The following EIF3CL variants were observed in gnomAD, a reference collection of about 807,000 sequenced individuals.
The protein encoded by EIF3CL is eukaryotic translation initiation factor 3 subunit C-like protein.
For synonymous variants in EIF3CL, 2 were observed against 19.6 expected, an observed-to-expected ratio of 0.10 and a Z score of 2.37; for missense variants, 5 against 56.1, an observed-to-expected ratio of 0.09 and a Z score of 2.91.
chr16:28,414,834 C>A, the EIF3CL span: 1 of 493,232 alleles, frequency 2.0e-6, no homozygotes, highest in East Asian at 5.9e-5. Context: ...GGCTTCAATG[C>A]GAAGGACGCG....
the EIF3CL span, among the ~76,000 whole-genome samples, chr16:28,426,104 C>G: frequency 9.7e-6 from 1 of 102,816 alleles, no homozygotes; most frequent in Admixed American, 1.1e-4. Flanking sequence ...CACACACATA[C>G]ACACACACAC....
At chr16:28,416,914 C>G in the EIF3CL span, among the ~76,000 whole-genome samples, 1 of 95,642 alleles carries the variant, frequency 1.0e-5, no homozygotes, top group African/African-American at 3.9e-5. Flanking sequence ...CCCGGCCAGC[C>G]GCCCCGTCTG....
chr16:28,387,759 CTT>C (rs548190992), intron 15 of EIF3CL, among the ~76,000 whole-genome samples: 3 of 121,436 alleles, frequency 2.5e-5, no homozygotes, highest in African/African-American at 3.0e-5. Flanking sequence ...CCAGACACAG[CTT>C]TTTTTTTTTT....
chr16:28,416,773 CA>C, the EIF3CL span, among the ~76,000 whole-genome samples: 1 of 101,716 alleles, frequency 9.8e-6, no homozygotes, highest in African/African-American at 3.5e-5. Context: ...TCAGCCCCCC[CA>C]CCCGGCCAGC....
upstream of EIF3CL, among the ~76,000 whole-genome samples, chr16:28,405,286 A>G: frequency 4.0e-5 from 1 of 25,120 alleles, no homozygotes; most frequent in Non-Finnish European, 7.2e-5. Flanking sequence ...GCGACAGAGC[A>G]AGACTCTGTC....
the EIF3CL span, among the ~76,000 whole-genome samples, chr16:28,416,643 C>T: frequency 2.4e-5 from 2 of 82,720 alleles, no homozygotes; most frequent in East Asian, 4.3e-4. Context: ...GGAGCCCCTC[C>T]GCCCGGCAGC....
chr16:28,414,430 A>G, the EIF3CL span: 2 of 321,972 alleles, frequency 6.2e-6, no homozygotes, highest in Non-Finnish European at 1.2e-5. Flanking sequence ...TAGCAGGAGC[A>G]TGGTGAACAC....
At chr16:28,415,307 C>T in the EIF3CL span, among the ~76,000 whole-genome samples, 2 of 79,968 alleles carry the variant, frequency 2.5e-5, no homozygotes, top group Non-Finnish European at 4.6e-5. Context: ...GGGCAGAGGT[C>T]GCCAGGCTGG....
At chr16:28,414,449 A>T in the EIF3CL span, 1 of 298,962 alleles carries the variant, frequency 3.3e-6, no homozygotes, top group African/African-American at 2.5e-5. Context: ...ACCAAGCCTG[A>T]TGAGAAGATG....
chr16:28,416,757 G>T, the EIF3CL span, among the ~76,000 whole-genome samples: 5 of 113,638 alleles, frequency 4.4e-5, no homozygotes, highest in East Asian at 2.9e-4. Context: ...AGGGAGGTGG[G>T]GGGGGTCAGC....
chr16:28,392,782 CTTT>C (rs928732428), intron 8 of EIF3CL, among the ~76,000 whole-genome samples: 1 of 147,846 alleles, frequency 6.8e-6, no homozygotes, highest in South Asian at 2.1e-4. Flanking sequence ...ACATTTTTTT[CTTT>C]TTTACTATTC....
At chr16:28,415,320 C>T in the EIF3CL span, among the ~76,000 whole-genome samples, 3 of 80,020 alleles carry the variant, frequency 3.7e-5, no homozygotes, top group East Asian at 3.9e-4. Context: ...CAGGCTGGTC[C>T]GCCAGGTAGA....
chr16:28,425,626 C>T, the EIF3CL span, among the ~76,000 whole-genome samples: 2 of 98,594 alleles, frequency 2.0e-5, 1 homozygote, highest in Non-Finnish European at 4.1e-5. Flanking sequence ...AAATGCTATC[C>T]TTGTGGATCT....
chr16:28,414,786 C>T, the EIF3CL span: 18 of 453,950 alleles, frequency 4.0e-5, 1 homozygote, highest in South Asian at 2.3e-4. Context: ...GCCTGGAACC[C>T]GTGGAGGTGA....
At chr16:28,386,107 G>A (rs1232285992) in intron 15 of EIF3CL, among the ~76,000 whole-genome samples, 1 of 5,678 alleles carries the variant, frequency 1.8e-4, no homozygotes, top group Admixed American at 2.9e-3. Context: ...CTACTCGGGA[G>A]GCTGAGGCAG....
At chr16:28,392,625 C>CA (rs984985576) in intron 8 of EIF3CL, among the ~76,000 whole-genome samples, 18 of 116,928 alleles carry the variant, frequency 1.5e-4, no homozygotes, top group East Asian at 2.7e-4. Context: ...CAAAACAAAA[C>CA]AAAAAAAAAC....
At position 28,386,828 on chromosome 16, in the gene EIF3CL, ACCCCTAAAAGATACACACACAC is replaced by A. The variant is rs2045606647; in HGVS notation, c.1821+1208_1821+1229del. Reference sequence around the variant, plus strand: ...ACACCCCCTAAAAGATACACACACAACCCCTAAAAGATACACACACACCCCCTAAAAGAGACACACACACACC... The same window carrying A: ...ACACCCCCTAAAAGATACACACACAACCCCTAAAAGAGACACACACACACC... On this transcript the variant is annotated intron_variant, in intron 15 of 20. Coordinates refer to ENST00000380876, the MANE Select transcript of EIF3CL (RefSeq NM_001317857.2). 3.9e-5 allele frequency among the ~76,000 whole-genome samples: 2 copies of A among 50,954 alleles called. 1 individual carries two copies. The allele number at this position is 50,954 out of a possible 152,430, so 33.4% of individuals were successfully genotyped here. A position where few individuals can be genotyped will look rare whatever the true frequency, so the allele number is the denominator to read the frequency against.
chr16:28,415,432 T>G, the EIF3CL span, among the ~76,000 whole-genome samples: 3 of 138,160 alleles, frequency 2.2e-5, no homozygotes, highest in Non-Finnish European at 4.6e-5. Flanking sequence ...AATGATGTTC[T>G]AAAAAGGATT....
At chr16:28,410,794 G>A in the EIF3CL span, among the ~76,000 whole-genome samples, 8 of 141,562 alleles carry the variant, frequency 5.7e-5, no homozygotes, top group Admixed American at 2.2e-4. Context: ...AGACGGGGGG[G>A]GCCTCACTAT....
Sources: allele counts gnomAD v4.1 joint callset (sites outside exome capture counted in the v4.1 genomes callset), GRCh38; gene constraint gnomAD v4.1.1; transcripts MANE v1.5; gene names NCBI Gene and HGNC (gene_info 2026-07-23, HGNC 2026-07-21).